The following RIPOR2 variants were observed in gnomAD, a reference collection of about 807,000 sequenced individuals.
RIPOR2 encodes rho family-interacting cell polarization regulator 2.
In RIPOR2, 39 loss-of-function variants were observed where a neutral mutation model predicts 114.5. The ratio of observed to expected loss-of-function variants is 0.34; its 90% CI spans 0.26 to 0.44. RIPOR2 has a LOEUF of 0.44. Ranked by LOEUF, RIPOR2 falls within the 20% of genes least tolerant of loss-of-function variation. The probability of loss-of-function intolerance (pLI) is 1.00; values close to 1 mark genes in which losing one functional copy is unlikely to be tolerated. For synonymous variants in RIPOR2, 445 were observed against 484.4 expected, an observed-to-expected ratio of 0.92 and a Z score of 1.07; for missense variants, 1,007 against 1,255.1, an observed-to-expected ratio of 0.80 and a Z score of 2.99.
intron 1 of RIPOR2, among the ~76,000 whole-genome samples, chr6:24,961,272 AT>A (rs1285074153): frequency 6.6e-6 from 1 of 152,220 alleles, no homozygotes; most frequent in Non-Finnish European, 1.5e-5. Flanking sequence ...CTGATAAGAC[AT>A]CGGGGGGATA....
rs1667562319 is a variant in RIPOR2 at position 24,981,475 on chromosome 6, AC to A, written c.76+60375del. Among the ~76,000 whole-genome samples, 5 of 151,776 alleles carry A rather than the reference AC, an allele frequency of 3.3e-5. No individual in the cohort carries two copies. The South Asian group carries it at 1.0e-3, about 32-fold the overall frequency. ...TTTGGCATCTGCTGCCCACCTCCTG[AC>A]CCCCACAGCCCCCACTGCCCTGCAT... On this transcript the variant is annotated intron_variant, in intron 1 of 13. Coordinates refer to the RIPOR2 transcript ENST00000510784.
intron 1 of RIPOR2, among the ~76,000 whole-genome samples, chr6:24,950,838 T>C (rs1772712710): frequency 6.6e-6 from 1 of 152,248 alleles, no homozygotes; most frequent in African/African-American, 2.4e-5. Flanking sequence ...GCTTTAGTGC[T>C]GATTTCTCAA....
At chr6:24,916,623 C>T (rs576249354) in intron 1 of RIPOR2, among the ~76,000 whole-genome samples, 4 of 152,286 alleles carry the variant, frequency 2.6e-5, no homozygotes, top group East Asian at 1.9e-4. Context: ...TATTTCAACC[C>T]GACAAGTGAC....
At position 24,967,913 on chromosome 6, in the gene RIPOR2, T is replaced by TCC. The variant is rs1349014539; in HGVS notation, c.76+73937_76+73938insGG. Among the ~76,000 whole-genome samples, 244 of 145,484 alleles carry TCC rather than the reference T, an allele frequency of 1.7e-3. 1 individual carries two copies. Among genetic ancestry groups the TCC allele is most frequent in the Non-Finnish European group, 2.5e-3 (166 of 65,800 alleles). ...TCTTGGCTGCAAGATCTCAATCTTT[T>TCC]TTTTTTTTTTTTTTTTTTAGATGGA... is the stretch of plus-strand genomic sequence containing the variant. On this transcript the variant is annotated intron_variant, in intron 1 of 13. Coordinates refer to the RIPOR2 transcript ENST00000510784.
At chr6:25,010,997 T>C (rs1226650357) in intron 1 of RIPOR2, among the ~76,000 whole-genome samples, 3 of 152,228 alleles carry the variant, frequency 2.0e-5, no homozygotes, top group South Asian at 4.1e-4. Flanking sequence ...TTCTCTCTAG[T>C]TGGGACCCTG....
At chr6:25,005,738 T>TATATATACATATAC (rs34572978) in intron 1 of RIPOR2, among the ~76,000 whole-genome samples, 1 of 70,700 alleles carries the variant, frequency 1.4e-5, no homozygotes, top group Non-Finnish European at 3.3e-5. Flanking sequence ...TATATATATA[T>TATATATACATATAC]ATACATTTAC....
rs574709786 is a variant in RIPOR2 at position 24,859,253 on chromosome 6, T to A, written c.715+1720A>T. The stretch of plus-strand genomic sequence containing the variant: ...AAATAGGAGAAATATAGTACTTTTT[T>A]ATATTAGCAGTGATAGGTGATGTGC... On this transcript the variant is annotated intron_variant, in intron 8 of 21. Coordinates refer to ENST00000643898, the MANE Select transcript of RIPOR2 (RefSeq NM_001286445.3). 1.2e-4 allele frequency among the ~76,000 whole-genome samples: 19 copies of A among 152,272 alleles called. No homozygotes were observed. The South Asian group carries it at 3.7e-3, about 30-fold the overall frequency.
intron 1 of RIPOR2, among the ~76,000 whole-genome samples, chr6:25,039,284 T>C (rs1173083278): frequency 6.6e-6 from 1 of 152,240 alleles, no homozygotes; most frequent in African/African-American, 2.4e-5. Context: ...TCTTTCTCCC[T>C]TTCCACTTTC....
intron 1 of RIPOR2, among the ~76,000 whole-genome samples, chr6:24,902,347 T>C (rs1768549327): frequency 6.6e-6 from 1 of 152,036 alleles, no homozygotes; most frequent in Non-Finnish European, 1.5e-5. Flanking sequence ...CCTGAGTAGC[T>C]GGGATTACAG....
chr6:24,970,874 C>T (rs150973361), intron 1 of RIPOR2, among the ~76,000 whole-genome samples: 13 of 142,260 alleles, frequency 9.1e-5, no homozygotes, highest in East Asian at 8.7e-4. Flanking sequence ...CACTAGCAAG[C>T]GGCTATGAGA....
intron 17 of RIPOR2, among the ~76,000 whole-genome samples, chr6:24,830,154 T>A (rs1437598076): frequency 1.3e-5 from 2 of 152,002 alleles, no homozygotes; most frequent in Non-Finnish European, 2.9e-5. Context: ...TTAGTAGAGA[T>A]GGAGTTTTGT....
chr6:24,947,636 A>G (rs961011674), intron 1 of RIPOR2, among the ~76,000 whole-genome samples: 2 of 151,996 alleles, frequency 1.3e-5, no homozygotes, highest in African/African-American at 4.8e-5. Flanking sequence ...GATTCCTTAC[A>G]GTTTAATTAG....
intron 1 of RIPOR2, among the ~76,000 whole-genome samples, chr6:24,960,337 A>G (rs1178331939): frequency 6.6e-6 from 1 of 152,174 alleles, no homozygotes; most frequent in Non-Finnish European, 1.5e-5. Flanking sequence ...TGGCGCCTTC[A>G]ATGCTGTGTC....
chr6:24,848,112 C>T lies in RIPOR2; in HGVS notation c.1077G>A (p.Gly359=), dbSNP rs1279512550. 6.2e-7 allele frequency: 1 copy of T among 1,613,808 alleles called. No individual in the cohort carries two copies. The highest frequency in any genetic ancestry group is 8.5e-7 in the Non-Finnish European group (1 of 1,179,828). The stretch of plus-strand genomic sequence containing the variant: ...TCCTCTGAAGGGCTGCTGCCTTGTT[C>T]CCAGCGCCTGAGGATGCGGTCATGT... ...VEDMTASSGA[G]NKAAALQRRM... is the part of the protein sequence containing the mutation. The change falls in exon 12 of 22, where the codon GGG becomes GGA. Residue 359 remains glycine (G), a synonymous_variant. Transcript: ENST00000643898.
chr6:24,938,571 A>G (rs1771945508), upstream of RIPOR2, among the ~76,000 whole-genome samples: 1 of 152,234 alleles, frequency 6.6e-6, no homozygotes, highest in Admixed American at 6.5e-5. Context: ...ATACCCAGTT[A>G]TAATTATACG....
chr6:24,997,129 C>G (rs955477482), intron 1 of RIPOR2, among the ~76,000 whole-genome samples: 5 of 152,220 alleles, frequency 3.3e-5, no homozygotes, highest in African/African-American at 1.2e-4. Context: ...GCTTTTAAAA[C>G]TCCCAACATG....
upstream of RIPOR2, among the ~76,000 whole-genome samples, chr6:24,937,689 T>C (rs1441282042): frequency 6.6e-6 from 1 of 152,238 alleles, no homozygotes; most frequent in Non-Finnish European, 1.5e-5. Context: ...CTATGTCCTT[T>C]AATCTCCACA....
At chr6:24,846,299 G>GT in intron 12 of RIPOR2, among the ~76,000 whole-genome samples, 1 of 116,694 alleles carries the variant, frequency 8.6e-6, no homozygotes, top group Admixed American at 9.7e-5. Context: ...CTTTTCACCT[G>GT]CCTTTTTTTT....
At chr6:24,963,019 CA>C (rs1298318954) in intron 1 of RIPOR2, among the ~76,000 whole-genome samples, 1 of 152,136 alleles carries the variant, frequency 6.6e-6, no homozygotes, top group African/African-American at 2.4e-5. Flanking sequence ...CAAACCACAG[CA>C]GAGAATGCAT....
Sources: allele counts gnomAD v4.1 joint callset (sites outside exome capture counted in the v4.1 genomes callset), GRCh38; gene constraint gnomAD v4.1.1; transcripts MANE v1.5; gene names NCBI Gene and HGNC (gene_info 2026-07-23, HGNC 2026-07-21).